Variants in FSTL5 observed in about 807,000 individuals in gnomAD.
The protein encoded by FSTL5 is follistatin like 5.
Under a neutral mutation model 89.1 loss-of-function variants are expected in FSTL5, and 62 were observed. The observed-to-expected ratio is 0.70, with a 90% CI of 0.57 to 0.86. The LOEUF (loss-of-function observed/expected upper bound fraction) is 0.86, where lower values mean the gene tolerates loss of function less well. FSTL5 is among the 40% of genes least tolerant of loss of function. The pLI, the probability that FSTL5 is intolerant of heterozygous loss-of-function variation, is 0.00. For synonymous variants in FSTL5, 383 were observed against 346.2 expected, an observed-to-expected ratio of 1.11 and a Z score of -1.18; for missense variants, 1,057 against 1,001.6, an observed-to-expected ratio of 1.06 and a Z score of -0.75.
chr4:161,623,650 A>G (rs910776974), intron 7 of FSTL5, among the ~76,000 whole-genome samples: 1 of 151,852 alleles, frequency 6.6e-6, no homozygotes, highest in Non-Finnish European at 1.5e-5. Context: ...TTTCTGTGAC[A>G]CAACTGCTTA....
chr4:161,759,460 A>T lies in FSTL5; in HGVS notation c.678T>A (p.Asp226Glu). The T allele has an allele frequency of 1.3e-6, 2 of 1,598,950 alleles. No homozygotes were observed. The change falls in exon 6 of 16, where the codon GAT becomes GAA. Residue 226 changes from aspartate (D) to glutamate (E), a missense_variant. Coordinates refer to ENST00000306100, the MANE Select transcript of FSTL5 (RefSeq NM_020116.5). ...GAGCCAGGTGCTTGTCAGCATTAAA[A>T]TCATCATATTTCAATAGAACATACA... Reference protein sequence around the residue: ...CTLYVLLKYDDFNADKHLALE... With the variant: ...CTLYVLLKYDEFNADKHLALE...
At chr4:161,420,132 A>T in intron 15 of FSTL5, among the ~76,000 whole-genome samples, 1 of 152,236 alleles carries the variant, frequency 6.6e-6, no homozygotes, top group East Asian at 1.9e-4. Context: ...GGTCAACAGA[A>T]AACTACAATT....
intron 7 of FSTL5, among the ~76,000 whole-genome samples, chr4:161,588,288 G>T (rs1733688459): frequency 6.6e-6 from 1 of 151,868 alleles, no homozygotes; most frequent in Non-Finnish European, 1.5e-5. Flanking sequence ...CTTCACATTG[G>T]TAGTTATCTA....
chr4:161,987,867 CCA>C (rs2111067640), intron 3 of FSTL5, among the ~76,000 whole-genome samples: 1 of 151,546 alleles, frequency 6.6e-6, no homozygotes, highest in Admixed American at 6.6e-5. Flanking sequence ...CTTCAAGAGA[CCA>C]CTAAGACAGA....
intron 4 of FSTL5, among the ~76,000 whole-genome samples, chr4:161,849,528 T>TACACAC (rs35353090): frequency 5.0e-4 from 74 of 147,314 alleles, no homozygotes; most frequent in African/African-American, 1.6e-3. Flanking sequence ...GCCCTCGACC[T>TACACAC]ACACACACAC....
At chr4:162,004,453 T>G (rs547488094) in intron 3 of FSTL5, among the ~76,000 whole-genome samples, 2 of 152,252 alleles carry the variant, frequency 1.3e-5, no homozygotes, top group East Asian at 3.9e-4. Flanking sequence ...AACCTCCACT[T>G]CACTCAAAAT....
At chr4:161,417,844 T>A (rs545251357) in intron 15 of FSTL5, among the ~76,000 whole-genome samples, 2 of 152,246 alleles carry the variant, frequency 1.3e-5, no homozygotes, top group Non-Finnish European at 2.9e-5. Flanking sequence ...TTTGGCACCA[T>A]GTACTTGGTG....
chr4:161,480,921 C>A, intron 13 of FSTL5, 99 bp downstream of exon 13: 1 of 761,748 alleles, frequency 1.3e-6, no homozygotes, highest in Non-Finnish European at 2.1e-6. Context: ...AGTAAGGAAA[C>A]ACATTATCAG....
At chr4:162,154,142 A>G (rs1022450847) in intron 1 of FSTL5, among the ~76,000 whole-genome samples, 1 of 151,594 alleles carries the variant, frequency 6.6e-6, no homozygotes, top group African/African-American at 2.4e-5. Flanking sequence ...TTTTTAAAGT[A>G]TTGCTTATAA....
intron 7 of FSTL5, among the ~76,000 whole-genome samples, chr4:161,638,928 G>T (rs937577120): frequency 2.8e-5 from 4 of 142,176 alleles, no homozygotes; most frequent in Non-Finnish European, 6.1e-5. Flanking sequence ...TGCAGAAAAA[G>T]CCTTTGACAA....
At chr4:161,897,459 A>C (rs531300026) in intron 4 of FSTL5, among the ~76,000 whole-genome samples, 1 of 151,482 alleles carries the variant, frequency 6.6e-6, no homozygotes, top group African/African-American at 2.4e-5. Context: ...AAATATGAGC[A>C]GATCACTCAG....
At chr4:161,419,394 T>G (rs1180522493) in intron 15 of FSTL5, among the ~76,000 whole-genome samples, 5 of 151,996 alleles carry the variant, frequency 3.3e-5, no homozygotes, top group Non-Finnish European at 5.9e-5. Context: ...TAAAAAAATG[T>G]AGTGGGATAA....
intron 4 of FSTL5, among the ~76,000 whole-genome samples, chr4:161,889,298 C>G (rs139463326): frequency 1.3e-5 from 2 of 152,092 alleles, no homozygotes; most frequent in African/African-American, 4.8e-5. Flanking sequence ...GTTTGATTGG[C>G]GAGAAGTGCA....
At chr4:161,784,851 G>A (rs1417136695) in intron 4 of FSTL5, among the ~76,000 whole-genome samples, 1 of 136,330 alleles carries the variant, frequency 7.3e-6, no homozygotes, top group Admixed American at 8.7e-5. Flanking sequence ...CCAAGATCGC[G>A]CCACTGCACT....
At chr4:161,515,774 T>C (rs1276101604) in intron 10 of FSTL5, among the ~76,000 whole-genome samples, 2 of 151,788 alleles carry the variant, frequency 1.3e-5, no homozygotes, top group East Asian at 3.9e-4. Flanking sequence ...GCTCAATAAA[T>C]ATCATTGGCC....
At chr4:161,436,915 T>A (rs72681790) in intron 15 of FSTL5, among the ~76,000 whole-genome samples, 29,488 of 152,200 alleles carry the variant, frequency 0.19, 3,390 homozygotes, top group Non-Finnish European at 0.26. Flanking sequence ...ATTCCTTCAC[T>A]TAACATTGTG....
rs918232391 is a variant in FSTL5, at chr4:162,045,019, T to C, written c.127-11361A>G. On this transcript the variant is annotated intron_variant, in intron 2 of 15. Coordinates refer to ENST00000306100, the MANE Select transcript of FSTL5 (RefSeq NM_020116.5). ...GCTTCACTTTCTCATTATTCATACA[T>C]TCACTAAAGTAGCACTTTTAATTTT... Among the ~76,000 whole-genome samples, 27 of 152,192 alleles carry C rather than the reference T, an allele frequency of 1.8e-4. 1 individual carries two copies. Among genetic ancestry groups the C allele is most frequent in the African/African-American group, 6.3e-4 (26 of 41,454 alleles).
intron 5 of FSTL5, among the ~76,000 whole-genome samples, chr4:161,766,453 A>T (rs1366423899): frequency 6.6e-6 from 1 of 152,068 alleles, no homozygotes; most frequent in Non-Finnish European, 1.5e-5. Flanking sequence ...CTGGACAAAA[A>T]TGCATTTGTA....
At chr4:161,934,615 G>GC (rs140327790) in intron 3 of FSTL5, among the ~76,000 whole-genome samples, 9,485 of 151,640 alleles carry the variant, frequency 0.063, 421 homozygotes, top group East Asian at 0.14. Context: ...AATTTTGTGG[G>GC]GTTTTTTTTC....
Sources: gnomAD v4.1 joint callset for allele counts (sites outside exome capture counted in the v4.1 genomes callset) on GRCh38, gnomAD v4.1.1 for gene constraint, MANE v1.5 for transcripts, NCBI Gene and HGNC (gene_info 2026-07-23, HGNC 2026-07-21) for gene names.